GP6: variants seen among roughly 807,000 people sequenced by gnomAD.
GP6 encodes the protein glycoprotein VI platelet.
A neutral mutation model predicts 37.3 loss-of-function variants in GP6; 45 were observed. That is an observed-to-expected ratio of 1.21 (90% CI 0.95 to 1.55). GP6 has a LOEUF of 1.55. Ranked by LOEUF, GP6 falls within the 40% of genes most tolerant of loss-of-function variation. GP6 has a pLI of 0.00. For synonymous variants in GP6, 340 were observed against 316.4 expected, an observed-to-expected ratio of 1.07 and a Z score of -0.79; for missense variants, 813 against 760.2, an observed-to-expected ratio of 1.07 and a Z score of -0.82.
At chr19:55,018,902 G>A (rs967776114) in intron 5 of GP6, 191 bp from the exon 6 acceptor site, 12 of 643,410 alleles carry the variant, frequency 1.9e-5, no homozygotes, top group East Asian at 5.5e-5. Flanking sequence ...AAGCAGATCC[G>A]TTCAGCAATT....
At chr19:55,027,942 A>C in intron 3 of GP6, 80 bp from the exon 4 acceptor site, 1 of 1,424,322 alleles carries the variant, frequency 7.0e-7, no homozygotes, top group Non-Finnish European at 9.9e-7. Flanking sequence ...ACACCTGCCT[A>C]AGAGCTGGGG....
intron 6 of GP6, among the ~76,000 whole-genome samples, chr19:55,016,311 G>C (rs1347343106): frequency 6.6e-6 from 1 of 150,764 alleles, no homozygotes; most frequent in Admixed American, 6.6e-5. Context: ...TGAAAGTCAA[G>C]ATAATAATAA....
At chr19:55,025,350 G>A (rs1317570254) in intron 4 of GP6, 79 bp from the exon 5 acceptor site, 2 of 891,534 alleles carry the variant, frequency 2.2e-6, no homozygotes, top group African/African-American at 3.3e-5. Flanking sequence ...CTCCGTGACT[G>A]AGTTTCCTCA....
At chr19:55,023,481 T>G (rs1328670479) in intron 5 of GP6, among the ~76,000 whole-genome samples, 1 of 152,176 alleles carries the variant, frequency 6.6e-6, no homozygotes, top group Non-Finnish European at 1.5e-5. Context: ...TCTCACAAGA[T>G]CTGGCTATTG....
At chr19:55,029,335 TA>T (rs2074439143) in intron 3 of GP6, among the ~76,000 whole-genome samples, 1 of 6,058 alleles carries the variant, frequency 1.7e-4, no homozygotes, top group Non-Finnish European at 2.1e-4. Flanking sequence ...TATATATATA[TA>T]TATATATATA....
intron 3 of GP6, 84 bp downstream of exon 3, chr19:55,032,055 C>G (rs2074577276): frequency 7.8e-6 from 11 of 1,404,660 alleles, no homozygotes; most frequent in Non-Finnish European, 1.1e-5. Context: ...TTGCCTCACC[C>G]TAATCCCTGC....
At chr19:55,034,716 TACACACAC>T (rs796869786) in intron 1 of GP6, among the ~76,000 whole-genome samples, 58 of 148,038 alleles carry the variant, frequency 3.9e-4, no homozygotes, top group Admixed American at 1.0e-3. Context: ...CCCTCATTCT[TACACACAC>T]ACACACACAC....
chr19:55,030,875 G>T (rs1415401132), intron 3 of GP6, among the ~76,000 whole-genome samples: 2 of 152,038 alleles, frequency 1.3e-5, no homozygotes, highest in Non-Finnish European at 2.9e-5. Context: ...TTGATACAGG[G>T]TCTCACTCTG....
chr19:55,037,126 C>A (rs1417015048), intron 1 of GP6, among the ~76,000 whole-genome samples: 2 of 152,164 alleles, frequency 1.3e-5, no homozygotes, highest in Non-Finnish European at 1.5e-5. Flanking sequence ...CATCTTCTTC[C>A]TGCTTAGCCT....
At chr19:55,028,798 T>G (rs2074406144) in intron 3 of GP6, among the ~76,000 whole-genome samples, 1 of 152,200 alleles carries the variant, frequency 6.6e-6, no homozygotes, top group Admixed American at 6.5e-5. Context: ...GTTGTTGTCA[T>G]AGACCGGTGT....
At chr19:55,033,423 TAGACGCGGTGGGCTCGTTC>T (rs1184738490) in intron 1 of GP6, among the ~76,000 whole-genome samples, 1,305 of 147,934 alleles carry the variant, frequency 8.8e-3, no homozygotes, top group Admixed American at 0.012. Context: ...TCGTTCGTGT[TAGACGCGGTGGGCTCGTTC>T]GTGTTAGACG....
At chr19:55,024,291 T>TGCACGCACACACACACAC (rs879694712) in intron 5 of GP6, among the ~76,000 whole-genome samples, 6 of 113,470 alleles carry the variant, frequency 5.3e-5, no homozygotes, top group Middle Eastern at 4.5e-3. Flanking sequence ...CACACACATA[T>TGCACGCACACACACACAC]GCACGCATGC....
At chr19:55,022,461 C>T (rs557524971) in intron 5 of GP6, among the ~76,000 whole-genome samples, 2 of 152,248 alleles carry the variant, frequency 1.3e-5, no homozygotes, top group African/African-American at 4.8e-5. Flanking sequence ...GACAAGGATG[C>T]CCTCTTTCAC....
rs1005314339 is a variant in GP6 at position 55,018,778 on chromosome 19, C to A, written c.665-67G>T. 8.6e-6 allele frequency: 9 copies of A among 1,044,912 alleles called. No individual in the cohort carries two copies. The African/African-American group carries it at 1.4e-4, about 16-fold the overall frequency. 64.7% of individuals were successfully genotyped at this position (1,044,912 alleles called of 1,614,324 possible). Reference sequence around the variant, plus strand: ...TATATCCTCTAGATATCTCCATTCCCCTTTTGAGATATCTAGGCTCCCTGA... The same window carrying A: ...TATATCCTCTAGATATCTCCATTCCACTTTTGAGATATCTAGGCTCCCTGA... On this transcript the variant is annotated intron_variant, in intron 5 of 7. Coordinates refer to ENST00000310373, the MANE Select transcript of GP6 (RefSeq NM_001083899.2).
At chr19:55,035,729 TAAATAA>T (rs2074805710) in intron 1 of GP6, among the ~76,000 whole-genome samples, 1 of 150,698 alleles carries the variant, frequency 6.6e-6, no homozygotes, top group Non-Finnish European at 1.5e-5. Flanking sequence ...AAAATAAAAA[TAAATAA>T]AAATAAATGA....
chr19:55,025,065 C>G (rs763191118), intron 5 of GP6, among the ~76,000 whole-genome samples, 153 bp downstream of exon 5: 1 of 152,174 alleles, frequency 6.6e-6, no homozygotes, highest in East Asian at 1.9e-4. Context: ...GACACCCACC[C>G]TGTTTACAGG....
chr19:55,021,368 A>G (rs1281502577), intron 5 of GP6, among the ~76,000 whole-genome samples: 1 of 151,510 alleles, frequency 6.6e-6, no homozygotes, highest in African/African-American at 2.4e-5. Flanking sequence ...CATCTCAAAA[A>G]AAAAAAAAAG....
chr19:55,025,309 C>T (rs2146797083), intron 4 of GP6, 38 bp from the exon 5 acceptor site: 4 of 1,315,744 alleles, frequency 3.0e-6, no homozygotes, highest in East Asian at 2.5e-5. Context: ...TGTGCTCTGT[C>T]GCTGTGGGTC....
chr19:55,034,757 GT>G (rs2074765447), intron 1 of GP6, among the ~76,000 whole-genome samples: 2 of 150,316 alleles, frequency 1.3e-5, no homozygotes, highest in South Asian at 4.2e-4. Flanking sequence ...AGGCGGGATA[GT>G]TGTCATTCCC....
Sources: gnomAD v4.1 joint callset for allele counts (sites outside exome capture counted in the v4.1 genomes callset) on GRCh38, gnomAD v4.1.1 for gene constraint, MANE v1.5 for transcripts, NCBI Gene and HGNC (gene_info 2026-07-23, HGNC 2026-07-21) for gene names.